The following MGAT5 variants were observed in gnomAD, a reference collection of about 807,000 sequenced individuals.
MGAT5 encodes alpha-1,6-mannosylglycoprotein 6-beta-N-acetylglucosaminyltransferase A.
In MGAT5, 30 loss-of-function variants were observed where a neutral mutation model predicts 94.3. That is an observed-to-expected ratio of 0.32 (90% CI 0.24 to 0.43). The LOEUF (loss-of-function observed/expected upper bound fraction) is 0.43, where lower values mean the gene tolerates loss of function less well. MGAT5 is among the 20% of genes least tolerant of loss of function. The pLI is 1.00. For synonymous variants in MGAT5, 310 were observed against 322.9 expected, an observed-to-expected ratio of 0.96 and a Z score of 0.43; for missense variants, 691 against 905.5, an observed-to-expected ratio of 0.76 and a Z score of 3.04.
chr2:134,331,406 G>A (rs1408750204), intron 4 of MGAT5, among the ~76,000 whole-genome samples: 1 of 152,148 alleles, frequency 6.6e-6, no homozygotes, highest in Admixed American at 6.6e-5. Flanking sequence ...TCATGTCAGA[G>A]TTTGCTTTCC....
At chr2:134,368,625 G>C (rs1680583252) in intron 10 of MGAT5, among the ~76,000 whole-genome samples, 1 of 152,300 alleles carries the variant, frequency 6.6e-6, no homozygotes, top group Non-Finnish European at 1.5e-5. Flanking sequence ...TACAGCAGCA[G>C]CCAGAGTGAT....
intron 1 of MGAT5, among the ~76,000 whole-genome samples, chr2:134,156,239 G>A (rs959592875): frequency 3.9e-5 from 6 of 152,132 alleles, no homozygotes; most frequent in Admixed American, 6.5e-5. Context: ...ACATTTCTAG[G>A]TCACAGGTTC....
chr2:134,358,869 T>C (rs1679914267), intron 9 of MGAT5, among the ~76,000 whole-genome samples: 1 of 152,260 alleles, frequency 6.6e-6, no homozygotes, highest in South Asian at 2.1e-4. Context: ...ACTTATCATA[T>C]AAGCTGGTTT....
intron 14 of MGAT5, among the ~76,000 whole-genome samples, chr2:134,435,765 G>T (rs917313697): frequency 3.9e-5 from 6 of 152,182 alleles, no homozygotes; most frequent in African/African-American, 1.4e-4. Context: ...ATGCTTTTCT[G>T]CCTAGTAGCA....
chr2:134,280,335 A>G (rs1684613217), intron 2 of MGAT5, among the ~76,000 whole-genome samples: 1 of 152,134 alleles, frequency 6.6e-6, no homozygotes, highest in South Asian at 2.1e-4. Flanking sequence ...TTACCCTTGA[A>G]CATTCAGCAA....
At chr2:134,418,500 C>T (rs770769093) in intron 12 of MGAT5, among the ~76,000 whole-genome samples, 2 of 152,228 alleles carry the variant, frequency 1.3e-5, no homozygotes, top group Non-Finnish European at 2.9e-5. Flanking sequence ...GTGTTTAATG[C>T]ATCCCCGCAG....
At chr2:134,287,976 T>TA (rs1392841163) in intron 2 of MGAT5, among the ~76,000 whole-genome samples, 1 of 152,238 alleles carries the variant, frequency 6.6e-6, no homozygotes, top group Non-Finnish European at 1.5e-5. Context: ...CTTTGATTGT[T>TA]AGAGAGGTTG....
intron 1 of MGAT5, among the ~76,000 whole-genome samples, chr2:134,227,642 A>T (rs1681132600): frequency 1.3e-5 from 2 of 152,222 alleles, no homozygotes; most frequent in South Asian, 4.1e-4. Context: ...TGCATTGCCC[A>T]TTCCTGGGTG....
At chr2:134,423,268 G>A (rs543173782) in intron 13 of MGAT5, among the ~76,000 whole-genome samples, 40 of 152,342 alleles carry the variant, frequency 2.6e-4, no homozygotes, top group African/African-American at 9.6e-4. Flanking sequence ...ACAAAAGAGG[G>A]AGAAGTGCAA....
At chr2:134,295,689 T>C (rs16830341) in intron 2 of MGAT5, among the ~76,000 whole-genome samples, 16,406 of 152,012 alleles carry the variant, frequency 0.11, 986 homozygotes, top group South Asian at 0.25. Flanking sequence ...CTGTTCGGAG[T>C]TTCTATTGGA....
chr2:134,254,738 T>C, intron 1 of MGAT5, 94 bp downstream of exon 1: 2 of 1,503,882 alleles, frequency 1.3e-6, no homozygotes, highest in Non-Finnish European at 1.8e-6. Flanking sequence ...ATGGACTGAA[T>C]GTCCTTTGCC....
intron 2 of MGAT5, among the ~76,000 whole-genome samples, chr2:134,310,594 G>A (rs1686590843): frequency 6.6e-6 from 1 of 152,172 alleles, no homozygotes; most frequent in African/African-American, 2.4e-5. Flanking sequence ...AGTCTTGCCT[G>A]TTTCCCATGT....
intron 10 of MGAT5, among the ~76,000 whole-genome samples, chr2:134,378,680 A>G (rs1681348271): frequency 6.8e-6 from 1 of 146,058 alleles, no homozygotes. Flanking sequence ...CAGTGGCATG[A>G]TCTCGGCTCA....
At chr2:134,446,763 C>T (rs1294603226) in intron 15 of MGAT5, among the ~76,000 whole-genome samples, 1 of 152,272 alleles carries the variant, frequency 6.6e-6, no homozygotes, top group Middle Eastern at 3.4e-3. Flanking sequence ...AAGAGAGTCC[C>T]GCTCTCCTGA....
intron 1 of MGAT5, among the ~76,000 whole-genome samples, chr2:134,175,342 T>G (rs1688410746): frequency 6.6e-6 from 1 of 152,216 alleles, no homozygotes; most frequent in Non-Finnish European, 1.5e-5. Flanking sequence ...CTTATTAACT[T>G]TGGAAGATAT....
chr2:134,170,574 C>T (rs1483890223), intron 1 of MGAT5, among the ~76,000 whole-genome samples: 3 of 152,140 alleles, frequency 2.0e-5, no homozygotes, highest in Non-Finnish European at 4.4e-5. Flanking sequence ...GAAACTCTTC[C>T]AGAAACTTTT....
intron 2 of MGAT5, among the ~76,000 whole-genome samples, chr2:134,297,941 TA>T (rs1194394476): frequency 6.6e-6 from 1 of 152,064 alleles, no homozygotes; most frequent in East Asian, 1.9e-4. Context: ...AAATATAGGT[TA>T]AAAAAATAAG....
chr2:134,380,890 A>G (rs899123893), intron 10 of MGAT5, among the ~76,000 whole-genome samples: 22 of 152,174 alleles, frequency 1.4e-4, no homozygotes, highest in African/African-American at 5.3e-4. Flanking sequence ...GCTTGCCTTT[A>G]TGGATCTGAT....
At chr2:134,270,355 A>G (rs1683955161) in intron 1 of MGAT5, 31 bp from the exon 2 acceptor site, 3 of 1,607,156 alleles carry the variant, frequency 1.9e-6, no homozygotes, top group Non-Finnish European at 2.6e-6. Flanking sequence ...AGGCCATAGA[A>G]TTTTAAAATT....
Sources: gnomAD v4.1 joint callset for allele counts (sites outside exome capture counted in the v4.1 genomes callset) on GRCh38, gnomAD v4.1.1 for gene constraint, MANE v1.5 for transcripts, NCBI Gene and HGNC (gene_info 2026-07-23, HGNC 2026-07-21) for gene names.